The following MPPED2 variants were observed in gnomAD, a reference collection of about 807,000 sequenced individuals.
MPPED2 encodes metallophosphoesterase MPPED2.
MPPED2 carries 5 observed loss-of-function variants against 33.0 expected under a neutral mutation model. That is an observed-to-expected ratio of 0.15 (90% CI 0.08 to 0.32). The LOEUF is 0.32. Ranked by LOEUF, MPPED2 falls within the 10% of genes least tolerant of loss-of-function variation. MPPED2 has a pLI of 1.00. For synonymous variants in MPPED2, 136 were observed against 141.9 expected (o/e 0.96, Z 0.29); for missense variants, 275 against 372.1 (o/e 0.74, Z 2.15).
intron 4 of MPPED2, among the ~76,000 whole-genome samples, chr11:30,442,058 G>C (rs955642338): frequency 6.6e-6 from 1 of 152,194 alleles, no homozygotes; most frequent in African/African-American, 2.4e-5. Context: ...TGGCCAGAAG[G>C]AGCATTTTGT....
chr11:30,384,536 G>A (rs573484261), exon 7 of MPPED2: 7 of 147,536 alleles, frequency 4.7e-5, no homozygotes, highest in African/African-American at 1.5e-4. Flanking sequence ...TCAGTGGCAC[G>A]ACCTCGGGGC....
In MPPED2 at chr11:30,477,287, A is replaced by G. The variant is rs1258411880; in HGVS notation, c.536+18009T>C. Among the ~76,000 whole-genome samples the G allele has an allele frequency of 2.0e-5, 3 of 152,130 alleles. No homozygotes were observed. In the East Asian group the frequency reaches 5.8e-4, roughly 29 times the overall value. ...TGGTAAATAGCAGTATCAATCCAAGAATCCTTATCTTGTTTCTGATCTTAG... is the reference window on the plus strand; with the variant it reads ...TGGTAAATAGCAGTATCAATCCAAGGATCCTTATCTTGTTTCTGATCTTAG... On this transcript the variant is annotated intron_variant, in intron 4 of 6. Transcript: ENST00000358117.
intron 5 of MPPED2, among the ~76,000 whole-genome samples, chr11:30,415,802 C>A (rs930306247): frequency 6.6e-6 from 1 of 152,136 alleles, no homozygotes; most frequent in Admixed American, 6.5e-5. Context: ...TGCTTTTATA[C>A]CAAAATCAAT....
chr11:30,546,632 T>G (rs116644768), intron 2 of MPPED2, among the ~76,000 whole-genome samples: 1 of 152,342 alleles, frequency 6.6e-6, no homozygotes, highest in African/African-American at 2.4e-5. Flanking sequence ...GTGGCCATTT[T>G]AGTTGGCTTT....
chr11:30,461,489 G>A (rs894680130), intron 4 of MPPED2, among the ~76,000 whole-genome samples: 33 of 152,134 alleles, frequency 2.2e-4, no homozygotes, highest in African/African-American at 7.7e-4. Context: ...GTGCCACAGC[G>A]AAGTTGAGAG....
chr11:30,544,883 A>T (rs1484191608), intron 2 of MPPED2, among the ~76,000 whole-genome samples: 1 of 152,208 alleles, frequency 6.6e-6, no homozygotes, highest in Non-Finnish European at 1.5e-5. Flanking sequence ...AAAAAGACGC[A>T]TGAGAGTGGC....
At chr11:30,405,993 C>T (rs1036539309), downstream of MPPED2, among the ~76,000 whole-genome samples, 4 of 152,106 alleles carry the variant, frequency 2.6e-5, no homozygotes, top group Admixed American at 2.6e-4. Context: ...CCAACAGCTT[C>T]CAGACCTGAC....
At chr11:30,439,414 G>A (rs1366242445) in intron 4 of MPPED2, among the ~76,000 whole-genome samples, 2 of 152,154 alleles carry the variant, frequency 1.3e-5, no homozygotes, top group African/African-American at 4.8e-5. Flanking sequence ...TGCTGGAACT[G>A]TAGACTCAGA....
chr11:30,511,580 T>C (rs369047025), intron 3 of MPPED2, among the ~76,000 whole-genome samples: 13 of 152,206 alleles, frequency 8.5e-5, no homozygotes, highest in African/African-American at 2.9e-4. Flanking sequence ...TACGGCACAA[T>C]GTAAGAAGGC....
intron 2 of MPPED2, among the ~76,000 whole-genome samples, chr11:30,548,534 T>C (rs115870725): frequency 1.7e-3 from 260 of 152,308 alleles, no homozygotes; most frequent in African/African-American, 5.9e-3. Context: ...TAACTATTGC[T>C]TGTAAAGGGC....
rs541830467 is a variant in MPPED2 at position 30,495,635 on chromosome 11, C to T, written c.311-114G>A. ...ACCCAAATGAAATAGCTCGCAAATT[C>T]CTTTACATTTCCATGTGAACTGGAA... On this transcript the variant is annotated intron_variant, in intron 3 of 6. Transcript: ENST00000358117. 2.3e-5 allele frequency: 16 copies of T among 703,452 alleles called. No individual in the cohort carries two copies. In the South Asian group the frequency reaches 2.8e-4, roughly 12 times the overall value. 43.6% of individuals were successfully genotyped at this position (703,452 alleles called of 1,614,324 possible).
intron 3 of MPPED2, among the ~76,000 whole-genome samples, chr11:30,511,498 A>T (rs759633320): frequency 6.6e-6 from 1 of 152,212 alleles, no homozygotes; most frequent in African/African-American, 2.4e-5. Context: ...GGATAAGTCA[A>T]TATTTTCTGT....
intron 2 of MPPED2, among the ~76,000 whole-genome samples, chr11:30,541,367 T>C (rs1014799391): frequency 4.6e-5 from 7 of 152,202 alleles, no homozygotes; most frequent in Non-Finnish European, 7.3e-5. Context: ...AATACAGTAT[T>C]GCAAACCTCA....
At chr11:30,501,186 G>C (rs1952542846) in intron 3 of MPPED2, among the ~76,000 whole-genome samples, 1 of 152,126 alleles carries the variant, frequency 6.6e-6, no homozygotes, top group Admixed American at 6.5e-5. Flanking sequence ...TTATTGTCAT[G>C]ACCATCTTTC....
At chr11:30,452,170 A>C (rs1230439601) in intron 4 of MPPED2, 3 of 845,492 alleles carry the variant, frequency 3.5e-6, no homozygotes, top group African/African-American at 1.8e-5. Flanking sequence ...CTAAACTCCA[A>C]ATTCTTGAGC....
rs556059361 is a variant in MPPED2, at chr11:30,500,614, A to C, written c.311-5093T>G. Reference sequence around the variant, plus strand: ...ACACCTACCTCATGAGTTTTGGCAAAGATAAAATGAAATTTAGCCTCTAAA... The same window carrying C: ...ACACCTACCTCATGAGTTTTGGCAACGATAAAATGAAATTTAGCCTCTAAA... On this transcript the variant is annotated intron_variant, in intron 3 of 6. Coordinates refer to ENST00000358117, the MANE Select transcript of MPPED2 (RefSeq NM_001584.3). Among the ~76,000 whole-genome samples the C allele has an allele frequency of 7.2e-5, 11 of 152,294 alleles. No individual in the cohort carries two copies. The South Asian group carries it at 2.1e-3, about 29-fold the overall frequency.
At chr11:30,498,591 C>T (rs1331655979) in intron 3 of MPPED2, among the ~76,000 whole-genome samples, 1 of 151,104 alleles carries the variant, frequency 6.6e-6, no homozygotes, top group East Asian at 1.9e-4. Flanking sequence ...CCAGTTTCAT[C>T]GTTCCCAAGG....
At chr11:30,483,037 T>C (rs1039308523) in intron 4 of MPPED2, among the ~76,000 whole-genome samples, 2 of 152,170 alleles carry the variant, frequency 1.3e-5, no homozygotes, top group Non-Finnish European at 2.9e-5. Context: ...CTCAATACCC[T>C]GAAAATTCGC....
At chr11:30,444,574 T>G (rs1358444030) in intron 4 of MPPED2, among the ~76,000 whole-genome samples, 1 of 151,760 alleles carries the variant, frequency 6.6e-6, no homozygotes, top group Non-Finnish European at 1.5e-5. Context: ...AGAAATAAAA[T>G]GTACATTTAC....
Sources: gnomAD v4.1 joint callset for allele counts (sites outside exome capture counted in the v4.1 genomes callset) on GRCh38, gnomAD v4.1.1 for gene constraint, MANE v1.5 for transcripts, NCBI Gene and HGNC (gene_info 2026-07-23, HGNC 2026-07-21) for gene names.